The following UGT1A8 variants were observed in gnomAD, a reference collection of about 807,000 sequenced individuals.
UGT1A8 encodes UDP-glucuronosyltransferase 1A8.
In UGT1A8, 39 loss-of-function variants were observed where a neutral mutation model predicts 45.3. The ratio of observed to expected loss-of-function variants is 0.86; its 90% CI spans 0.67 to 1.12. The LOEUF (loss-of-function observed/expected upper bound fraction) is 1.12. Ranked by LOEUF, UGT1A8 falls within the 50% of genes most tolerant of loss-of-function variation. The probability of loss-of-function intolerance (pLI) is 0.00; values close to 1 mark genes in which losing one functional copy is unlikely to be tolerated. For missense variants in UGT1A8, 719 were observed against 664.9 expected (o/e 1.08, Z -0.90); for synonymous variants, 275 against 249.2 (o/e 1.10, Z -0.97).
intron 1 of UGT1A8, among the ~76,000 whole-genome samples, chr2:233,664,517 C>A (rs965570606): frequency 1.3e-5 from 2 of 152,160 alleles, no homozygotes; most frequent in Non-Finnish European, 2.9e-5. Flanking sequence ...CATGGCGCTG[C>A]CATCTGTTCA....
At chr2:233,669,080 C>G (rs571545981) in intron 1 of UGT1A8, among the ~76,000 whole-genome samples, 1 of 152,268 alleles carries the variant, frequency 6.6e-6, no homozygotes, top group East Asian at 1.9e-4. Context: ...GAATGGATAC[C>G]CAACTGTTGA....
intron 1 of UGT1A8, among the ~76,000 whole-genome samples, chr2:233,681,538 A>G (rs992971730): frequency 1.4e-3 from 211 of 150,806 alleles, no homozygotes; most frequent in Non-Finnish European, 2.3e-3. Context: ...CTCAAAAAAA[A>G]AAAAAAAAAA....
At chr2:233,737,925 G>A (rs1188589801) in intron 1 of UGT1A8, among the ~76,000 whole-genome samples, 1 of 152,078 alleles carries the variant, frequency 6.6e-6, no homozygotes, top group African/African-American at 2.4e-5. Context: ...AGTGTATTTA[G>A]TAGTGAGTCC....
intron 1 of UGT1A8, chr2:233,748,039 T>A: frequency 1.2e-6 from 2 of 1,613,500 alleles, no homozygotes; most frequent in South Asian, 1.1e-5. Flanking sequence ...ATGGTCTTCA[T>A]TGGGGGCATC....
chr2:233,747,273 C>T, intron 1 of UGT1A8: 4 of 1,598,968 alleles, frequency 2.5e-6, no homozygotes, highest in Non-Finnish European at 3.4e-6. Context: ...TACTCCTTCT[C>T]AGTGCCCAGC....
rs773195449 is a variant in UGT1A8, at chr2:233,767,876, C to T, written c.1015C>T (p.Pro339Ser). 2 of 1,614,178 alleles carry T rather than the reference C, an allele frequency of 1.2e-6. No homozygotes were observed. The highest frequency in any genetic ancestry group is 3.3e-5 in the Admixed American group (2 of 60,012). ...CCTGTGGCGGTACACTGGAACCCGACCATCGAATCTTGCGAACAACACGAT... is the reference window on the plus strand; with the variant it reads ...CCTGTGGCGGTACACTGGAACCCGATCATCGAATCTTGCGAACAACACGAT... The part of the protein sequence containing the change: ...TVLWRYTGTR[P>S]SNLANNTILV... Residue 339 changes from proline (P) to serine (S), a missense_variant, in exon 3 of 5, where the codon CCA (proline) becomes TCA (serine). By Grantham distance (74) the Pro-to-Ser change is moderately conservative. Coordinates refer to ENST00000373450, the MANE Select transcript of UGT1A8 (RefSeq NM_019076.5).
At chr2:233,630,552 G>A (rs2073168687) in intron 1 of UGT1A8, among the ~76,000 whole-genome samples, 1 of 152,054 alleles carries the variant, frequency 6.6e-6, no homozygotes, top group Admixed American at 6.6e-5. Context: ...AAAGAAAAGA[G>A]GTTTAATTGG....
At chr2:233,626,483 T>G (rs925472450) in intron 1 of UGT1A8, among the ~76,000 whole-genome samples, 2 of 152,104 alleles carry the variant, frequency 1.3e-5, no homozygotes, top group African/African-American at 4.8e-5. Context: ...TGTTGCTGTA[T>G]CCATAATCCC....
intron 1 of UGT1A8, chr2:233,742,922 C>G (rs1038154831): frequency 2.7e-5 from 5 of 188,274 alleles, no homozygotes; most frequent in African/African-American, 1.2e-4. Context: ...AAGTGCTGAA[C>G]TGAACATTCT....
intron 1 of UGT1A8, chr2:233,718,641 G>T: frequency 6.8e-7 from 1 of 1,475,748 alleles, no homozygotes; most frequent in Admixed American, 2.0e-5. Context: ...CCAGGGTTGG[G>T]CCCATAACGA....
intron 1 of UGT1A8, chr2:233,693,295 T>A (rs149122547): frequency 1.1e-4 from 175 of 1,614,020 alleles, no homozygotes; most frequent in Non-Finnish European, 1.4e-4. Context: ...TTGGAAACAA[T>A]CACTTTGCTG....
chr2:233,761,113 G>T (rs72551345), intron 1 of UGT1A8: 1 of 1,614,106 alleles, frequency 6.2e-7, no homozygotes, highest in South Asian at 1.1e-5. Flanking sequence ...GGTTTTTGTT[G>T]GTGGAATCAA....
chr2:233,760,580 A>G, intron 1 of UGT1A8: 1 of 1,614,212 alleles, frequency 6.2e-7, no homozygotes, highest in Non-Finnish European at 8.5e-7. Context: ...CTCGGGCATA[A>G]TGTTTTTGAG....
At chr2:233,747,932 G>C in intron 1 of UGT1A8, 1 of 1,613,428 alleles carries the variant, frequency 6.2e-7, no homozygotes, top group Non-Finnish European at 8.5e-7. Flanking sequence ...AGCTTTTTCA[G>C]AGGGAGGTGT....
chr2:233,636,360 G>C (rs533132071), intron 1 of UGT1A8: 61 of 1,233,478 alleles, frequency 4.9e-5, no homozygotes, highest in South Asian at 1.6e-4. Flanking sequence ...GTGTGTTATC[G>C]TTCTTATGAG....
chr2:233,617,994 C>A lies in UGT1A8; in HGVS notation c.287C>A (p.Ala96Asp). ...LDREFMDFAD[A>D]QWKAQVRSLF... ...CGGGAATTCATGGATTTCGCCGATG[C>A]TCAATGGAAAGCACAAGTACGAAGT... The change falls in exon 1 of 5, where the codon GCT (alanine) becomes GAT (aspartate). Residue 96 changes from alanine (A) to aspartate (D), a missense_variant. Transcript: ENST00000373450. 1 of 1,614,212 alleles carries A rather than the reference C, an allele frequency of 6.2e-7. No homozygotes were observed. The highest frequency in any genetic ancestry group is 2.2e-5 in the East Asian group (1 of 44,892).
chr2:233,656,631 C>G (rs1401058097), intron 1 of UGT1A8, among the ~76,000 whole-genome samples: 1 of 152,126 alleles, frequency 6.6e-6, no homozygotes, highest in Non-Finnish European at 1.5e-5. Flanking sequence ...CACAAAAAGT[C>G]CACTGAGTCC....
At position 233,651,471 on chromosome 2, in the gene UGT1A8, G is replaced by A. The variant is rs182942070; in HGVS notation, c.855+32909G>A. Among the ~76,000 whole-genome samples, 10 of 152,280 alleles carry A rather than the reference G, an allele frequency of 6.6e-5. No individual in the cohort carries two copies. In the East Asian group the frequency reaches 1.9e-3, roughly 29 times the overall value. On this transcript the variant is annotated intron_variant, in intron 1 of 4. Coordinates refer to ENST00000373450, the MANE Select transcript of UGT1A8 (RefSeq NM_019076.5). ...TGTATTAAAGGATAGGTATGTATAA[G>A]AGGTTTTATAGAAGTGGAAAGTTAT...
At chr2:233,630,843 T>G (rs1185130482) in intron 1 of UGT1A8, among the ~76,000 whole-genome samples, 2 of 152,012 alleles carry the variant, frequency 1.3e-5, no homozygotes, top group Non-Finnish European at 2.9e-5. Flanking sequence ...AAACTCTTTT[T>G]TTTTTTTTAT....
Sources: gnomAD v4.1 joint callset for allele counts (sites outside exome capture counted in the v4.1 genomes callset) on GRCh38, gnomAD v4.1.1 for gene constraint, MANE v1.5 for transcripts, NCBI Gene and HGNC (gene_info 2026-07-23, HGNC 2026-07-21) for gene names.